Variants in FAT1 observed in about 807,000 individuals in gnomAD.
FAT1 encodes the protein protocadherin Fat 1.
In FAT1, 171 loss-of-function variants were observed where a neutral mutation model predicts 329.8. The ratio of observed to expected loss-of-function variants is 0.52; its 90% CI spans 0.46 to 0.59. The LOEUF (loss-of-function observed/expected upper bound fraction) is 0.59, where lower values mean the gene tolerates loss of function less well. Ranked by LOEUF, FAT1 falls within the 20% of genes least tolerant of loss-of-function variation. FAT1 has a pLI of 0.00. For synonymous variants in FAT1, 2,233 were observed against 2,228.6 expected (o/e 1.00, Z -0.06); for missense variants, 5,672 against 5,774.4 (o/e 0.98, Z 0.57).
intron 2 of FAT1, among the ~76,000 whole-genome samples, chr4:186,669,416 C>T (rs327076): frequency 3.3e-5 from 5 of 152,076 alleles, no homozygotes; most frequent in East Asian, 1.9e-4. Context: ...GGTTGAGACA[C>T]GCTTGTTACG....
At chr4:186,594,028 T>C (rs1385023736) in intron 26 of FAT1, among the ~76,000 whole-genome samples, 2 of 152,214 alleles carry the variant, frequency 1.3e-5, no homozygotes, top group Admixed American at 1.3e-4. Flanking sequence ...GAAGCTAGTT[T>C]TCATAACTAA....
At chr4:186,720,869 T>C (rs1016450025) in intron 1 of FAT1, among the ~76,000 whole-genome samples, 2 of 152,144 alleles carry the variant, frequency 1.3e-5, no homozygotes, top group African/African-American at 2.4e-5. Flanking sequence ...AGGGATAACA[T>C]AGGAAAATAA....
At position 186,613,173 on chromosome 4, in the gene FAT1, G is replaced by A. The variant is rs368175543; in HGVS notation, c.9399C>T (p.Thr3133=). Reference sequence around the variant, plus strand: ...TTCCCGGCTCTGTGTTTTCAAACACGGTGATGGCATAAGGATCGGCAGAGA... The same window carrying A: ...TTCCCGGCTCTGTGTTTTCAAACACAGTGATGGCATAAGGATCGGCAGAGA... ...PEFSADPYAI[T]VFENTEPGTL... Residue 3133 remains threonine, a synonymous_variant, in exon 13 of 27, where the codon ACC becomes ACT. Transcript: ENST00000441802. 115 of 1,613,628 alleles carry A rather than the reference G, an allele frequency of 7.1e-5. No homozygotes were observed. The highest frequency in any genetic ancestry group is 4.0e-4 in the East Asian group (18 of 44,888).
intron 9 of FAT1, among the ~76,000 whole-genome samples, chr4:186,626,129 A>G (rs1320330028): frequency 1.9e-5 from 2 of 103,334 alleles, no homozygotes; most frequent in Non-Finnish European, 3.9e-5. Flanking sequence ...CACCTGGCAC[A>G]TAAAGCGAGC....
chr4:186,612,621 A>G (rs1739499068), intron 13 of FAT1, among the ~76,000 whole-genome samples: 1 of 152,234 alleles, frequency 6.6e-6, no homozygotes, highest in South Asian at 2.1e-4. Context: ...TCTAGTTCCA[A>G]CTATAATAAA....
intron 7 of FAT1, 116 bp downstream of exon 7, chr4:186,633,568 T>C: frequency 4.6e-6 from 5 of 1,082,162 alleles, no homozygotes; most frequent in Non-Finnish European, 6.8e-6. Context: ...GTGTGTAAAC[T>C]TCTGATTTTA....
In FAT1 at chr4:186,618,569, CAAAG is replaced by C; in HGVS notation, c.8013_8016del (p.Phe2671LeufsTer51). 1 of 1,614,030 alleles carries C rather than the reference CAAAG, an allele frequency of 6.2e-7. No individual in the cohort carries two copies. The highest frequency in any genetic ancestry group is 8.5e-7 in the Non-Finnish European group (1 of 1,179,890). On this transcript the variant is annotated frameshift_variant, in exon 10 of 27. Coordinates refer to ENST00000441802, the MANE Select transcript of FAT1 (RefSeq NM_005245.4). LOFTEE classifies it high-confidence loss of function. ...GGAGACCCATTATCCACAGCTCTAACAAAGAAAGTGAAGAATTCATTTTCCAAGC... is the reference window on the plus strand; with the variant it reads ...GGAGACCCATTATCCACAGCTCTAACAAAGTGAAGAATTCATTTTCCAAGC...
At chr4:186,700,863 A>G (rs974074706) in intron 2 of FAT1, among the ~76,000 whole-genome samples, 1 of 152,194 alleles carries the variant, frequency 6.6e-6, no homozygotes, top group Non-Finnish European at 1.5e-5. Flanking sequence ...GGTTATTACT[A>G]GACTGGTGCT....
chr4:186,696,443 A>AG (rs1303422041), intron 2 of FAT1, among the ~76,000 whole-genome samples: 1 of 152,176 alleles, frequency 6.6e-6, no homozygotes, highest in African/African-American at 2.4e-5. Context: ...TCGAAAGAAG[A>AG]GGATCATGGG....
rs2306988 is a variant in FAT1, at chr4:186,595,635, A to C, written c.13138+54T>G. The C allele has an allele frequency of 5.9e-3, 9,464 of 1,600,944 alleles. 109 individuals carry two copies. The East Asian group carries it at 0.06, about 10-fold the overall frequency. The stretch of plus-strand genomic sequence containing the variant: ...TAGTGCGTCTACATTGTGAGATAAC[A>C]CAGTAACACAACAAGCAAGCAAAGC... On this transcript the variant is annotated intron_variant, in intron 26 of 26. Coordinates refer to ENST00000441802, the MANE Select transcript of FAT1 (RefSeq NM_005245.4).
intron 1 of FAT1, among the ~76,000 whole-genome samples, chr4:186,721,644 T>C (rs6824430): frequency 0.25 from 38,435 of 152,150 alleles, 6,136 homozygotes; most frequent in South Asian, 0.35. Flanking sequence ...GGCTGATTGA[T>C]TCTACGTAAA....
Position 186,604,460 on chromosome 4 carries a change from A to C in FAT1, c.10465T>G (p.Phe3489Val), listed in dbSNP as rs753397401. The stretch of plus-strand genomic sequence containing the variant: ...AGGACTCCTTGCGGGTTAACTTCAA[A>C]AGCCTTCTCATCATTTCCAGTTACA... Reference protein sequence around the residue: ...TIVTGNDEKAFEVNPQGVLLT... With the variant: ...TIVTGNDEKAVEVNPQGVLLT... The change falls in exon 18 of 27, where the codon TTT (phenylalanine) becomes GTT (valine). Residue 3489 changes from phenylalanine to valine, a missense_variant. Coordinates refer to ENST00000441802, the MANE Select transcript of FAT1 (RefSeq NM_005245.4). 6.2e-7 allele frequency: 1 copy of C among 1,613,988 alleles called. No individual in the cohort carries two copies. The highest frequency in any genetic ancestry group is 1.7e-5 in the Admixed American group (1 of 60,022).
chr4:186,646,900 G>T (rs1741412749), intron 3 of FAT1, among the ~76,000 whole-genome samples: 1 of 152,118 alleles, frequency 6.6e-6, no homozygotes, highest in Non-Finnish European at 1.5e-5. Flanking sequence ...CAATCAAGAG[G>T]CTCTGTGCTT....
intron 22 of FAT1, 85 bp from the exon 23 acceptor site, chr4:186,598,210 T>C: frequency 7.9e-7 from 1 of 1,270,654 alleles, no homozygotes; most frequent in Non-Finnish European, 1.0e-6. Context: ...TTATCTTTAT[T>C]CTCCGAGGTC....
intron 1 of FAT1, 108 bp from the exon 2 acceptor site, chr4:186,709,953 T>A: frequency 9.2e-6 from 9 of 982,854 alleles, no homozygotes; most frequent in Non-Finnish European, 1.0e-5. Context: ...ACACATGGAA[T>A]ATAAATAAAT....
chr4:186,692,843 G>A (rs990954430), intron 2 of FAT1, among the ~76,000 whole-genome samples: 1 of 152,118 alleles, frequency 6.6e-6, no homozygotes, highest in African/African-American at 2.4e-5. Flanking sequence ...TGAGAAAAAC[G>A]AACATCTGCA....
intron 3 of FAT1, among the ~76,000 whole-genome samples, chr4:186,660,127 G>A (rs896110318): frequency 1.3e-5 from 2 of 152,176 alleles, no homozygotes; most frequent in African/African-American, 2.4e-5. Flanking sequence ...TAAGTAACAC[G>A]ATTTAGGGTC....
At chr4:186,614,406 G>T in intron 11 of FAT1, 62 bp from the exon 12 acceptor site, 1 of 1,067,144 alleles carries the variant, frequency 9.4e-7, no homozygotes. Flanking sequence ...AAACATCAAG[G>T]GAATAATGGA....
At chr4:186,689,509 CGA>C (rs1220185649) in intron 2 of FAT1, among the ~76,000 whole-genome samples, 1 of 152,028 alleles carries the variant, frequency 6.6e-6, no homozygotes, top group South Asian at 2.1e-4. Flanking sequence ...TTAACCAAAG[CGA>C]GAGAGAGTCC....
Sources: gnomAD v4.1 joint callset for allele counts (sites outside exome capture counted in the v4.1 genomes callset) on GRCh38, gnomAD v4.1.1 for gene constraint, MANE v1.5 for transcripts, NCBI Gene and HGNC (gene_info 2026-07-23, HGNC 2026-07-21) for gene names.